Variants in GPR158 observed in about 807,000 individuals in gnomAD.
The protein encoded by GPR158 is metabotropic glycine receptor.
Under a neutral mutation model 78.2 loss-of-function variants are expected in GPR158, and 30 were observed. The observed-to-expected ratio is 0.38, with a 90% CI of 0.29 to 0.52. GPR158 has a LOEUF of 0.52. Among genes scored for constraint, GPR158 ranks in the 20% least tolerant of loss-of-function variants. GPR158 has a pLI of 0.83. For missense variants in GPR158, 1,463 were observed against 1,523.5 expected (o/e 0.96, Z 0.66); for synonymous variants, 581 against 591.1 (o/e 0.98, Z 0.25).
intron 5 of GPR158, among the ~76,000 whole-genome samples, chr10:25,495,295 CTTTTTTTTT>C (rs71399976): frequency 4.4e-5 from 4 of 91,096 alleles, no homozygotes; most frequent in Non-Finnish European, 8.0e-5. Flanking sequence ...TTCTTTTCTG[CTTTTTTTTT>C]TTTTTTTTTT....
intron 2 of GPR158, among the ~76,000 whole-genome samples, chr10:25,384,721 T>C (rs1206306709): frequency 6.6e-6 from 1 of 152,150 alleles, no homozygotes. Context: ...GTCTTCCCTG[T>C]ATGCACCTCA....
At position 25,568,329 on chromosome 10, in the gene GPR158, A is replaced by T. The variant is rs146931999; in HGVS notation, c.1515-4320A>T. ...ATAATATAACATGGCCACATTTAGG[A>T]GATCCTTGTAAACACTGCCATTCAA... On this transcript the variant is annotated intron_variant, in intron 6 of 10. Transcript: ENST00000376351. 1.7e-3 allele frequency among the ~76,000 whole-genome samples: 264 copies of T among 152,312 alleles called. 13 individuals are homozygous for T. In the South Asian group the frequency reaches 0.048, roughly 28 times the overall value.
intron 2 of GPR158, among the ~76,000 whole-genome samples, chr10:25,295,142 A>G (rs1400392407): frequency 1.3e-5 from 2 of 152,182 alleles, no homozygotes; most frequent in African/African-American, 4.8e-5. Flanking sequence ...CCTAGCAGTG[A>G]TTCATAACTC....
At position 25,175,750 on chromosome 10, in the gene GPR158, G is replaced by A. The variant is rs749862811; in HGVS notation, c.330G>A (p.Gly110=). The A allele has an allele frequency of 1.2e-6, 2 of 1,611,250 alleles. No individual in the cohort carries two copies. The highest frequency in any genetic ancestry group is 1.3e-5 in the African/African-American group (1 of 74,942). The change falls in exon 1 of 11, where the codon GGG becomes GGA. Residue 110 remains glycine (G), a synonymous_variant. Transcript: ENST00000376351. This position sits in a 1 kb window ranked among gnomAD's most constrained non-coding sequence, Gnocchi z 6.4. Reference sequence around the variant, plus strand: ...GCTACGAGTTGGCGGGCCTGCCGGGGAAGTGGCCAGCCCTGGCCAGCGCGC... The same window carrying A: ...GCTACGAGTTGGCGGGCCTGCCGGGAAAGTGGCCAGCCCTGGCCAGCGCGC... ...SGRYELAGLP[G]KWPALASAHP...
rs186028215 is a variant in GPR158 at position 25,548,424 on chromosome 10, A to T, written c.1405-2552A>T. On this transcript the variant is annotated intron_variant, in intron 5 of 10. Transcript: ENST00000376351. The stretch of plus-strand genomic sequence containing the variant: ...AACTTTTAGAACAAAGCATAAATAA[A>T]TCAACTCTCCTAATAATATTAGCCA... 3.3e-5 allele frequency among the ~76,000 whole-genome samples: 5 copies of T among 152,318 alleles called. No homozygotes were observed. In the East Asian group the frequency reaches 9.7e-4, roughly 29 times the overall value.
chr10:25,437,534 G>A (rs1268548418), intron 4 of GPR158, among the ~76,000 whole-genome samples: 1 of 152,156 alleles, frequency 6.6e-6, no homozygotes, highest in Non-Finnish European at 1.5e-5. Flanking sequence ...TCCCTATTGG[G>A]ATTTTGATTG....
intron 2 of GPR158, among the ~76,000 whole-genome samples, chr10:25,249,329 C>T (rs1454667862): frequency 1.3e-5 from 2 of 152,282 alleles, no homozygotes; most frequent in African/African-American, 4.8e-5. Flanking sequence ...ATCGCCCTGG[C>T]CAGAACTTCC....
chr10:25,347,359 G>A lies in GPR158; in HGVS notation c.1009-48552G>A, dbSNP rs1363505036. On this transcript the variant is annotated intron_variant, in intron 2 of 10. Transcript: ENST00000376351. ...GTTCTCTACTTCTAAGGACACATGT[G>A]ATTAGCTCAGAATCCAGGATAATCT... Among the ~76,000 whole-genome samples, 6 of 152,058 alleles carry A rather than the reference G, an allele frequency of 3.9e-5. No homozygotes were observed. The South Asian group carries it at 1.0e-3, about 26-fold the overall frequency.
chr10:25,334,085 A>G (rs1855164201), intron 2 of GPR158, among the ~76,000 whole-genome samples: 1 of 152,122 alleles, frequency 6.6e-6, no homozygotes. Flanking sequence ...CGCTGAAAGG[A>G]GAGTGATATC....
chr10:25,327,041 G>C (rs915679634), intron 2 of GPR158, among the ~76,000 whole-genome samples: 6 of 152,074 alleles, frequency 3.9e-5, no homozygotes, highest in Non-Finnish European at 7.4e-5. Flanking sequence ...TTTACAGTGG[G>C]TTGATCAGCA....
intron 1 of GPR158, among the ~76,000 whole-genome samples, chr10:25,180,410 G>T (rs1852598322): frequency 6.6e-6 from 1 of 152,170 alleles, no homozygotes; most frequent in Non-Finnish European, 1.5e-5. Flanking sequence ...CAGCTATGAA[G>T]CCTGTATAGT....
chr10:25,321,570 G>A (rs570567907), intron 2 of GPR158, among the ~76,000 whole-genome samples: 61 of 152,022 alleles, frequency 4.0e-4, no homozygotes, highest in Non-Finnish European at 7.5e-4. Context: ...GAGGAGATAG[G>A]GTTGATTAGA....
intron 1 of GPR158, among the ~76,000 whole-genome samples, chr10:25,195,966 T>C (rs1852838531): frequency 6.6e-6 from 1 of 152,182 alleles, no homozygotes; most frequent in Admixed American, 6.5e-5. Context: ...GGTAATATTT[T>C]CTCCTTATGG....
chr10:25,509,004 A>G (rs1471222625), intron 5 of GPR158, among the ~76,000 whole-genome samples: 11 of 152,126 alleles, frequency 7.2e-5, no homozygotes, highest in Admixed American at 7.2e-4. Flanking sequence ...GCTCAAAGCT[A>G]TTGGCCTCGT....
At chr10:25,514,503 A>G (rs1011804917) in intron 5 of GPR158, among the ~76,000 whole-genome samples, 5 of 152,114 alleles carry the variant, frequency 3.3e-5, no homozygotes, top group African/African-American at 1.2e-4. Flanking sequence ...TATGCCATTT[A>G]CATTCAATGT....
At chr10:25,555,550 G>C (rs1298042476) in intron 6 of GPR158, among the ~76,000 whole-genome samples, 3 of 152,142 alleles carry the variant, frequency 2.0e-5, no homozygotes, top group Non-Finnish European at 4.4e-5. Flanking sequence ...TTCTTTTACA[G>C]AAACTTGAGA....
chr10:25,271,477 A>G (rs2130743349), intron 2 of GPR158, among the ~76,000 whole-genome samples: 1 of 152,256 alleles, frequency 6.6e-6, no homozygotes, highest in South Asian at 2.1e-4. Context: ...TTATTGACAT[A>G]CCGTCTGATT....
intron 5 of GPR158, among the ~76,000 whole-genome samples, chr10:25,509,312 C>T (rs1007867986): frequency 1.3e-5 from 2 of 152,104 alleles, no homozygotes; most frequent in African/African-American, 2.4e-5. Flanking sequence ...TCATGGACTT[C>T]GTGCGCAGGG....
At chr10:25,237,839 G>A (rs146620505) in intron 2 of GPR158, among the ~76,000 whole-genome samples, 29 of 152,096 alleles carry the variant, frequency 1.9e-4, no homozygotes, top group African/African-American at 6.7e-4. Context: ...ATATCTACAT[G>A]TAAATGTAAT....
Sources: allele counts gnomAD v4.1 joint callset (sites outside exome capture counted in the v4.1 genomes callset), GRCh38; gene constraint gnomAD v4.1.1; non-coding constraint Gnocchi (gnomAD v3.1); transcripts MANE v1.5; gene names NCBI Gene and HGNC (gene_info 2026-07-23, HGNC 2026-07-21).